The following DPP10 variants were observed in gnomAD, a reference collection of about 807,000 sequenced individuals.
DPP10 encodes inactive dipeptidyl peptidase 10.
In DPP10, 33 loss-of-function variants were observed where a neutral mutation model predicts 120.9. The ratio of observed to expected loss-of-function variants is 0.27; its 90% confidence interval spans 0.21 to 0.37. DPP10 has a LOEUF of 0.37. Ranked by LOEUF, DPP10 falls within the 10% of genes least tolerant of loss-of-function variation. The pLI, the probability that DPP10 is intolerant of heterozygous loss-of-function variation, is 1.00. For synonymous variants in DPP10, 337 were observed against 326.1 expected (o/e 1.03, Z -0.36); for missense variants, 816 against 942.8 (o/e 0.87, Z 1.76).
At position 115,842,542 on chromosome 2, in the gene DPP10, GT is replaced by G; in HGVS notation, c.*200del. ...CTGTGTTGCTAGGGGTGCAGAACCC[GT>G]TTCTTTGTATGAGAGAGGTCAAAGG... On this transcript the variant is annotated 3_prime_UTR_variant, in exon 26 of 26. Transcript: ENST00000410059. 1 of 514,992 alleles carries G rather than the reference GT, an allele frequency of 1.9e-6. No homozygotes were observed. The highest frequency in any genetic ancestry group is 6.6e-5 in the South Asian group (1 of 15,220). The allele number at this position is 514,992 out of a possible 1,614,324, so 31.9% of individuals were successfully genotyped here. A position where few individuals can be genotyped will look rare whatever the true frequency, so the allele number is the denominator to read the frequency against.
chr2:114,985,029 T>G (rs895351083), intron 1 of DPP10, among the ~76,000 whole-genome samples: 1 of 152,210 alleles, frequency 6.6e-6, no homozygotes, highest in East Asian at 1.9e-4. Context: ...TAAGAAAGAT[T>G]GATATATTCC....
chr2:115,821,279 C>T (rs529442068), intron 21 of DPP10, among the ~76,000 whole-genome samples: 1 of 152,222 alleles, frequency 6.6e-6, no homozygotes, highest in South Asian at 2.1e-4. Flanking sequence ...TATTATTATT[C>T]AGTTCCTGCA....
chr2:114,745,841 C>T (rs950357213), intron 1 of DPP10, among the ~76,000 whole-genome samples: 1 of 152,230 alleles, frequency 6.6e-6, no homozygotes, highest in Non-Finnish European at 1.5e-5. Flanking sequence ...GCCTCTGGAA[C>T]TGGCCGTGTG....
intron 1 of DPP10, among the ~76,000 whole-genome samples, chr2:114,902,011 A>T (rs566551551): frequency 1.3e-5 from 2 of 152,210 alleles, no homozygotes; most frequent in African/African-American, 2.4e-5. Flanking sequence ...GAATGACAAC[A>T]TCTGCTTATC....
intron 1 of DPP10, among the ~76,000 whole-genome samples, chr2:114,642,259 TGAAAA>T (rs762544867): frequency 8.2e-4 from 124 of 152,048 alleles, no homozygotes; most frequent in Middle Eastern, 3.4e-3. Context: ...TATACAGTCA[TGAAAA>T]GAAGCCTATG....
chr2:114,462,135 C>T (rs1350475414), intron 1 of DPP10: 3 of 985,212 alleles, frequency 3.0e-6, no homozygotes, highest in South Asian at 9.4e-5. Flanking sequence ...TATCCCGTAA[C>T]ACCAGGTAAT....
chr2:114,480,559 A>G (rs1680934900), intron 1 of DPP10, among the ~76,000 whole-genome samples: 1 of 152,046 alleles, frequency 6.6e-6, no homozygotes, highest in Admixed American at 6.6e-5. Context: ...CCTTTGTAGG[A>G]ACATGGATGA....
chr2:115,131,528 G>C (rs1360356035), intron 1 of DPP10, among the ~76,000 whole-genome samples: 1 of 151,976 alleles, frequency 6.6e-6, no homozygotes, highest in Non-Finnish European at 1.5e-5. Context: ...GTAACAAGAA[G>C]AAGAAGGGTA....
intron 1 of DPP10, among the ~76,000 whole-genome samples, chr2:115,105,422 T>TGAGAGA (rs10565038): frequency 0.032 from 4,634 of 146,152 alleles, 101 homozygotes; most frequent in East Asian, 0.11. Flanking sequence ...TGTCACATGG[T>TGAGAGA]GAGAGAGAGA....
intron 1 of DPP10, among the ~76,000 whole-genome samples, chr2:114,966,989 C>G (rs1699079359): frequency 6.6e-6 from 1 of 152,094 alleles, no homozygotes; most frequent in South Asian, 2.1e-4. Context: ...TTGCAGTGAT[C>G]CATGACCACA....
rs573461884 is a variant in DPP10 at position 114,789,138 on chromosome 2, G to A, written c.60+346300G>A. On this transcript the variant is annotated intron_variant, in intron 1 of 25. Transcript: ENST00000410059. Reference sequence around the variant, plus strand: ...GAAATACTGTTTACTGGGTTAAGGCGTTAAGACATCTGGGTTAAGCGCCAT... The same window carrying A: ...GAAATACTGTTTACTGGGTTAAGGCATTAAGACATCTGGGTTAAGCGCCAT... 4.7e-4 allele frequency among the ~76,000 whole-genome samples: 71 copies of A among 152,284 alleles called. No individual in the cohort carries two copies. In the South Asian group the frequency reaches 0.011, roughly 24 times the overall value.
intron 5 of DPP10, among the ~76,000 whole-genome samples, chr2:115,632,480 G>C (rs977268724): frequency 6.6e-6 from 1 of 152,062 alleles, no homozygotes; most frequent in Non-Finnish European, 1.5e-5. Context: ...GGCTGTTAAC[G>C]ATTTTTCCCT....
chr2:114,689,067 T>G (rs888502299), intron 1 of DPP10, among the ~76,000 whole-genome samples: 5 of 151,808 alleles, frequency 3.3e-5, no homozygotes, highest in African/African-American at 1.2e-4. Flanking sequence ...AATTTCTAGT[T>G]TTTTTTTCTT....
chr2:114,598,463 C>T (rs1296208493), intron 1 of DPP10, among the ~76,000 whole-genome samples: 3 of 151,818 alleles, frequency 2.0e-5, no homozygotes, highest in Non-Finnish European at 4.4e-5. Context: ...GCAGAGGTAG[C>T]AGGAAGTAGA....
At chr2:115,421,253 A>G (rs1051545433) in intron 3 of DPP10, among the ~76,000 whole-genome samples, 1 of 152,200 alleles carries the variant, frequency 6.6e-6, no homozygotes, top group Non-Finnish European at 1.5e-5. Flanking sequence ...ATACAAATAT[A>G]TGAGTAATAT....
intron 1 of DPP10, among the ~76,000 whole-genome samples, chr2:115,050,702 C>T (rs1442418595): frequency 6.6e-6 from 1 of 152,140 alleles, no homozygotes; most frequent in Non-Finnish European, 1.5e-5. Context: ...TCAGGAAAAA[C>T]CGAAAAAGGC....
chr2:114,988,241 T>C (rs575865786), intron 1 of DPP10, among the ~76,000 whole-genome samples: 4 of 152,360 alleles, frequency 2.6e-5, no homozygotes, highest in African/African-American at 9.6e-5. Context: ...TTATTGCCCT[T>C]GTTCACTGAA....
chr2:114,762,391 G>A (rs1574129167), intron 1 of DPP10, among the ~76,000 whole-genome samples: 2 of 152,124 alleles, frequency 1.3e-5, no homozygotes, highest in African/African-American at 2.4e-5. Flanking sequence ...CAACTAAGAA[G>A]CTGAAATAAT....
chr2:114,893,402 G>C (rs982458892), intron 1 of DPP10, among the ~76,000 whole-genome samples: 4 of 152,116 alleles, frequency 2.6e-5, no homozygotes, highest in Non-Finnish European at 4.4e-5. Flanking sequence ...ACGTATAGGC[G>C]GTGATTTCAG....
Sources: gnomAD v4.1 joint callset for allele counts (sites outside exome capture counted in the v4.1 genomes callset) on GRCh38, gnomAD v4.1.1 for gene constraint, MANE v1.5 for transcripts, NCBI Gene and HGNC (gene_info 2026-07-23, HGNC 2026-07-21) for gene names.